Variants in LRRK1 observed in about 807,000 individuals in gnomAD.
LRRK1 encodes leucine-rich repeat serine/threonine-protein kinase 1.
LRRK1 carries 113 observed loss-of-function variants against 209.1 expected under a neutral mutation model. The observed-to-expected ratio is 0.54, with a 90% CI of 0.46 to 0.63. The LOEUF (loss-of-function observed/expected upper bound fraction) is 0.63, where lower values mean the gene tolerates loss of function less well. Among genes scored for constraint, LRRK1 ranks in the 30% least tolerant of loss-of-function variants. The probability of loss-of-function intolerance (pLI) is 0.00; values close to 1 mark genes in which losing one functional copy is unlikely to be tolerated. For missense variants in LRRK1, 2,284 were observed against 2,632.2 expected (o/e 0.87, Z 2.89); for synonymous variants, 1,144 against 1,099.7 (o/e 1.04, Z -0.80).
At chr15:101,015,222 A>T in intron 11 of LRRK1, 104 bp from the exon 12 acceptor site, 1 of 883,592 alleles carries the variant, frequency 1.1e-6, no homozygotes, top group Non-Finnish European at 1.8e-6. Context: ...AGAGTTGCAC[A>T]TGAATTGCTC....
chr15:101,038,746 C>T (rs2034604319), intron 20 of LRRK1, among the ~76,000 whole-genome samples: 2 of 152,200 alleles, frequency 1.3e-5, no homozygotes, highest in Admixed American at 1.3e-4. Flanking sequence ...TATTTTGCCT[C>T]TTCTCAGTGT....
chr15:100,927,495 C>T (rs952488027), intron 2 of LRRK1, among the ~76,000 whole-genome samples: 1 of 152,110 alleles, frequency 6.6e-6, no homozygotes, highest in Non-Finnish European at 1.5e-5. Flanking sequence ...GGCCAAGGAC[C>T]CTGACGTGAC....
chr15:101,042,917 C>T (rs2034842221), intron 20 of LRRK1, among the ~76,000 whole-genome samples: 1 of 152,216 alleles, frequency 6.6e-6, no homozygotes, highest in Non-Finnish European at 1.5e-5. Context: ...CGCCTCCCCT[C>T]GGGGTGGGAC....
intron 2 of LRRK1, among the ~76,000 whole-genome samples, chr15:100,964,547 A>G (rs886576571): frequency 2.6e-5 from 4 of 152,228 alleles, no homozygotes; most frequent in African/African-American, 9.6e-5. Context: ...TGACCAGGTC[A>G]GTAGCATCCT....
intron 17 of LRRK1, among the ~76,000 whole-genome samples, chr15:101,026,769 C>T (rs1567243369): frequency 6.6e-6 from 1 of 152,238 alleles, no homozygotes; most frequent in Non-Finnish European, 1.5e-5. Context: ...ATTATCTGCA[C>T]TGATGGCTCT....
intron 2 of LRRK1, among the ~76,000 whole-genome samples, chr15:100,952,377 T>C (rs1043588827): frequency 1.3e-5 from 2 of 152,258 alleles, no homozygotes; most frequent in African/African-American, 2.4e-5. Flanking sequence ...CCATCTTTTA[T>C]TACTTCTGGG....
intron 2 of LRRK1, among the ~76,000 whole-genome samples, chr15:100,971,239 C>CA (rs2030859805): frequency 6.6e-6 from 1 of 150,506 alleles, no homozygotes; most frequent in Admixed American, 6.7e-5. Flanking sequence ...GAGGTTGAGG[C>CA]ATGAGAATCA....
chr15:101,047,981 T>G (rs1315882253), intron 21 of LRRK1, among the ~76,000 whole-genome samples: 1 of 152,148 alleles, frequency 6.6e-6, no homozygotes, highest in East Asian at 1.9e-4. Context: ...ATATTAAACT[T>G]TAGAAAAATG....
In LRRK1 at chr15:101,069,101, G is replaced by A. The variant is rs1596367929; in HGVS notation, c.*253G>A. On this transcript the variant is annotated 3_prime_UTR_variant, in exon 34 of 34. Transcript: ENST00000388948. ...TTTTACAGCCCCAGGGAAGACAGTG[G>A]TATCAGGCTGGGAGCGGCCTCCTCT... 1 of 379,168 alleles carries A rather than the reference G, an allele frequency of 2.6e-6. No individual in the cohort carries two copies. The highest frequency in any genetic ancestry group is 4.5e-5 in the East Asian group (1 of 22,344). The allele number at this position is 379,168 out of a possible 1,614,324, so 23.5% of individuals were successfully genotyped here.
intron 27 of LRRK1, 120 bp downstream of exon 27, chr15:101,055,343 C>G (rs2035735988): frequency 1.0e-6 from 1 of 959,316 alleles, no homozygotes. Context: ...GCACATTTTT[C>G]TCACTCTCCC....
intron 2 of LRRK1, among the ~76,000 whole-genome samples, chr15:100,969,904 T>TC (rs1340058993): frequency 6.6e-6 from 1 of 151,902 alleles, no homozygotes; most frequent in Non-Finnish European, 1.5e-5. Context: ...TCTTTTTTTT[T>TC]TGAGACAGAG....
At chr15:100,937,512 T>A (rs1043290610) in intron 2 of LRRK1, among the ~76,000 whole-genome samples, 2 of 145,914 alleles carry the variant, frequency 1.4e-5, no homozygotes, top group African/African-American at 2.7e-5. Context: ...TTTTAAAATG[T>A]TTATTTATTT....
intron 2 of LRRK1, among the ~76,000 whole-genome samples, chr15:100,968,533 A>G (rs2030621123): frequency 6.6e-6 from 1 of 152,188 alleles, no homozygotes; most frequent in Non-Finnish European, 1.5e-5. Flanking sequence ...TGGTGAGAGC[A>G]TAGTGGTATC....
chr15:101,011,121 A>C (rs1252739749), intron 9 of LRRK1, among the ~76,000 whole-genome samples: 1 of 151,932 alleles, frequency 6.6e-6, no homozygotes, highest in Non-Finnish European at 1.5e-5. Flanking sequence ...GCACAGGACG[A>C]CTCATGCCTG....
chr15:100,978,685 A>G (rs528842659), intron 3 of LRRK1, among the ~76,000 whole-genome samples: 1 of 152,342 alleles, frequency 6.6e-6, no homozygotes, highest in African/African-American at 2.4e-5. Flanking sequence ...AAAAGTAGAA[A>G]TTACCTCAAC....
chr15:101,029,182 C>G lies in LRRK1; in HGVS notation c.2913C>G (p.Tyr971Ter). 1 of 1,613,832 alleles carries G rather than the reference C, an allele frequency of 6.2e-7. No individual in the cohort carries two copies. Among genetic ancestry groups the G allele is most frequent in the Non-Finnish European group, 8.5e-7 (1 of 1,179,732 alleles). Residue 971 changes from tyrosine (Y) to a stop codon, truncating the protein, a stop_gained, in exon 20 of 34, where the codon TAC (tyrosine) becomes TAG (stop). Coordinates refer to ENST00000388948, the MANE Select transcript of LRRK1 (RefSeq NM_024652.6). LOFTEE classifies it high-confidence loss of function. Reference protein sequence around the residue: ...TGFTQQTEEQYFQFLAKFEIA... With the variant: ...TGFTQQTEEQ Reference sequence around the variant, plus strand: ...TCACGCAGCAGACGGAAGAGCAGTACTTCCAGTTCCTGGCCAAGTTTGAGA... The same window carrying G: ...TCACGCAGCAGACGGAAGAGCAGTAGTTCCAGTTCCTGGCCAAGTTTGAGA...
At chr15:100,941,592 T>C (rs2042438873) in intron 2 of LRRK1, among the ~76,000 whole-genome samples, 1 of 152,052 alleles carries the variant, frequency 6.6e-6, no homozygotes, top group Non-Finnish European at 1.5e-5. Flanking sequence ...ATGGCGCTGC[T>C]CTTCCTCAGA....
chr15:100,961,038 T>C (rs1048348609), intron 2 of LRRK1, among the ~76,000 whole-genome samples: 19 of 152,164 alleles, frequency 1.2e-4, no homozygotes, highest in African/African-American at 4.3e-4. Flanking sequence ...AGAGACTGGG[T>C]AATTTATAAA....
intron 33 of LRRK1, 74 bp from the exon 34 acceptor site, chr15:101,068,597 G>T: frequency 6.9e-7 from 1 of 1,453,880 alleles, no homozygotes; most frequent in Non-Finnish European, 9.2e-7. Context: ...TCCTCAGAAG[G>T]CACAGGGGGA....
Sources: gnomAD v4.1 joint callset for allele counts (sites outside exome capture counted in the v4.1 genomes callset) on GRCh38, gnomAD v4.1.1 for gene constraint, MANE v1.5 for transcripts, NCBI Gene and HGNC (gene_info 2026-07-23, HGNC 2026-07-21) for gene names.